The following RASSF9 variants were observed in gnomAD, a reference collection of about 807,000 sequenced individuals.
The protein encoded by RASSF9 is Ras association domain family member 9.
Under a neutral mutation model 21.4 loss-of-function variants are expected in RASSF9, and 18 were observed. The ratio of observed to expected loss-of-function variants is 0.84; its 90% confidence interval spans 0.58 to 1.25. RASSF9 has a LOEUF of 1.25. RASSF9 is among the 50% of genes most tolerant of loss of function. The pLI, the probability that RASSF9 is intolerant of heterozygous loss-of-function variation, is 0.00. For missense variants in RASSF9, 480 were observed against 503.2 expected (o/e 0.95, Z 0.44); for synonymous variants, 183 against 179.1 (o/e 1.02, Z -0.18).
chr12:85,811,803 C>T (rs1275864942), intron 1 of RASSF9, among the ~76,000 whole-genome samples: 2 of 151,656 alleles, frequency 1.3e-5, no homozygotes, highest in Non-Finnish European at 1.5e-5. Context: ...AGGTAATTCA[C>T]CAGATGTCCA....
At chr12:85,826,521 C>A (rs1880337473) in intron 1 of RASSF9, among the ~76,000 whole-genome samples, 1 of 145,854 alleles carries the variant, frequency 6.9e-6, no homozygotes, top group Non-Finnish European at 1.5e-5. Context: ...GATTTCGGTT[C>A]ACTGCAAGCT....
At chr12:85,833,116 A>G (rs1297987193) in intron 1 of RASSF9, among the ~76,000 whole-genome samples, 1 of 151,898 alleles carries the variant, frequency 6.6e-6, no homozygotes, top group Non-Finnish European at 1.5e-5. Context: ...ATTATGTAGT[A>G]GGATAAGATT....
chr12:85,812,207 A>T (rs1879968668), intron 1 of RASSF9, among the ~76,000 whole-genome samples: 1 of 151,742 alleles, frequency 6.6e-6, no homozygotes, highest in Admixed American at 6.6e-5. Flanking sequence ...TATATGTAGT[A>T]TACATTTATG....
At chr12:85,806,272 G>A (rs371782218) in intron 1 of RASSF9, among the ~76,000 whole-genome samples, 2 of 150,912 alleles carry the variant, frequency 1.3e-5, no homozygotes, top group Non-Finnish European at 1.5e-5. Context: ...GGATGGTCTC[G>A]ATCTCCTGAC....
intron 1 of RASSF9, among the ~76,000 whole-genome samples, chr12:85,811,176 T>C (rs1374182977): frequency 6.6e-6 from 1 of 151,940 alleles, no homozygotes; most frequent in South Asian, 2.1e-4. Context: ...AGGTAAGGTA[T>C]AATTTTGCCT....
At position 85,836,211 on chromosome 12, in the gene RASSF9, G is replaced by C. The variant is rs1265876490; in HGVS notation, c.-10C>G. The stretch of plus-strand genomic sequence containing the variant: ...TTCCAAAGGGAGCCATGGTCTGTCG[G>C]GCAAACGAATAAAGAAATTATCTTA... On this transcript the variant is annotated 5_prime_UTR_variant, in exon 1 of 2. Coordinates refer to ENST00000361228, the MANE Select transcript of RASSF9 (RefSeq NM_005447.4). 1 of 1,426,914 alleles carries C rather than the reference G, an allele frequency of 7.0e-7. No homozygotes were observed. The highest frequency in any genetic ancestry group is 1.2e-5 in the South Asian group (1 of 82,028). The allele number at this position is 1,426,914 out of a possible 1,614,324, so 88.4% of individuals were successfully genotyped here.
At position 85,801,747 on chromosome 12, in the gene RASSF9, G is replaced by C. The variant is rs1387042656; in HGVS notation, c.*2955C>G. 1 of 152,240 alleles carries C rather than the reference G, an allele frequency of 6.6e-6. No homozygotes were observed. The highest frequency in any genetic ancestry group is 1.5e-5 in the Non-Finnish European group (1 of 68,102). 9.4% of individuals were successfully genotyped at this position (152,240 alleles called of 1,614,324 possible). ...GGAAAATGGCGTGAAGCCGGGAGGC[G>C]GAGCTTGCAGTGAGCCAAGATCGCG... On this transcript the variant is annotated 3_prime_UTR_variant, in exon 2 of 2. Coordinates refer to ENST00000361228, the MANE Select transcript of RASSF9 (RefSeq NM_005447.4).
intron 1 of RASSF9, among the ~76,000 whole-genome samples, chr12:85,832,076 A>G (rs989176760): frequency 2.4e-4 from 37 of 152,062 alleles, no homozygotes; most frequent in Admixed American, 2.0e-3. Flanking sequence ...GGATATTCAT[A>G]TATCAGTACG....
At chr12:85,809,285 C>CT (rs34448399) in intron 1 of RASSF9, among the ~76,000 whole-genome samples, 1 of 152,006 alleles carries the variant, frequency 6.6e-6, no homozygotes, top group African/African-American at 2.4e-5. Context: ...ATATGAACCA[C>CT]TTTTTTAGCA....
chr12:85,809,668 AATGATGATGATGATGATGATGATGATG>A (rs112741704), intron 1 of RASSF9, among the ~76,000 whole-genome samples: 3 of 139,178 alleles, frequency 2.2e-5, no homozygotes, highest in Non-Finnish European at 4.9e-5. Context: ...GAATAGTAAT[AATGATGATGATGATGATGATGATGATG>A]ATGATGATGA....
chr12:85,804,631 TAAAA>T lies in RASSF9; in HGVS notation c.*67_*70del. 5 of 1,392,680 alleles carry T rather than the reference TAAAA, an allele frequency of 3.6e-6. No homozygotes were observed. Among genetic ancestry groups the T allele is most frequent in the Non-Finnish European group, 4.8e-6 (5 of 1,035,760 alleles). The allele number at this position is 1,392,680 out of a possible 1,614,324, so 86.3% of individuals were successfully genotyped here. Reference sequence around the variant, plus strand: ...TTTACATTTTTTTGAGTGTTATATTTAAAATGAGGTTTCCTATTAAATTAAACAA... The same window carrying T: ...TTTACATTTTTTTGAGTGTTATATTTTGAGGTTTCCTATTAAATTAAACAA... On this transcript the variant is annotated 3_prime_UTR_variant, in exon 2 of 2. Coordinates refer to ENST00000361228, the MANE Select transcript of RASSF9 (RefSeq NM_005447.4).
chr12:85,820,245 A>G (rs1880177162), intron 1 of RASSF9, among the ~76,000 whole-genome samples: 1 of 152,242 alleles, frequency 6.6e-6, no homozygotes, highest in Non-Finnish European at 1.5e-5. Context: ...ATTTGTTTAC[A>G]TATTGTACAT....
chr12:85,811,977 G>A (rs1457994434), intron 1 of RASSF9, among the ~76,000 whole-genome samples: 1 of 151,750 alleles, frequency 6.6e-6, no homozygotes, highest in African/African-American at 2.4e-5. Context: ...TAAGATCATA[G>A]CTGTGTTTGG....
intron 1 of RASSF9, among the ~76,000 whole-genome samples, chr12:85,819,123 TATA>T (rs1465056583): frequency 6.6e-6 from 1 of 152,040 alleles, no homozygotes; most frequent in African/African-American, 2.4e-5. Context: ...TACAAAAAAA[TATA>T]ATGAGTAACT....
intron 1 of RASSF9, among the ~76,000 whole-genome samples, chr12:85,817,457 T>G (rs959678533): frequency 6.6e-6 from 1 of 152,148 alleles, no homozygotes; most frequent in South Asian, 2.1e-4. Context: ...TAGTTGTCTT[T>G]GTAATTAGAG....
chr12:85,827,078 C>G (rs1232988773), intron 1 of RASSF9, among the ~76,000 whole-genome samples: 3 of 152,112 alleles, frequency 2.0e-5, no homozygotes, highest in Non-Finnish European at 4.4e-5. Flanking sequence ...ACCTAACATA[C>G]CACTCTATCT....
chr12:85,804,951 T>C lies in RASSF9; in HGVS notation c.1059A>G (p.Lys353=), dbSNP rs116681640. ...IKYSDSLLQM[K]AKEYELLAKE... Reference sequence around the variant, plus strand: ...TGGCCAGGAGTTCATATTCTTTTGCTTTCATCTGAAGCAATGAGTCACTGT... The same window carrying C: ...TGGCCAGGAGTTCATATTCTTTTGCCTTCATCTGAAGCAATGAGTCACTGT... Residue 353 remains lysine, a synonymous_variant, in exon 2 of 2, where the codon AAA becomes AAG. Coordinates refer to ENST00000361228, the MANE Select transcript of RASSF9 (RefSeq NM_005447.4). The C allele has an allele frequency of 5.0e-4, 811 of 1,613,928 alleles. 3 individuals carry two copies. The African/African-American group carries it at 0.01, about 20-fold the overall frequency.
chr12:85,808,493 TA>T (rs1879883621), intron 1 of RASSF9, among the ~76,000 whole-genome samples: 1 of 152,110 alleles, frequency 6.6e-6, no homozygotes. Flanking sequence ...AAGAGTAGGT[TA>T]GAAATTAGAA....
chr12:85,813,697 C>A (rs1337377351), intron 1 of RASSF9, among the ~76,000 whole-genome samples: 1 of 151,640 alleles, frequency 6.6e-6, no homozygotes, highest in African/African-American at 2.4e-5. Context: ...TAAACTTTGG[C>A]TGAAATTTTA....
Sources: gnomAD v4.1 joint callset for allele counts (sites outside exome capture counted in the v4.1 genomes callset) on GRCh38, gnomAD v4.1.1 for gene constraint, MANE v1.5 for transcripts, NCBI Gene and HGNC (gene_info 2026-07-23, HGNC 2026-07-21) for gene names.